The following SLC24A2 variants were observed in gnomAD, a reference collection of about 807,000 sequenced individuals.
The protein encoded by SLC24A2 is sodium/potassium/calcium exchanger 2.
In SLC24A2, 36 loss-of-function variants were observed where a neutral mutation model predicts 62.0. The ratio of observed to expected loss-of-function variants is 0.58; its 90% CI spans 0.44 to 0.77. The LOEUF (loss-of-function observed/expected upper bound fraction) is 0.77. Ranked by LOEUF, SLC24A2 falls within the 30% of genes least tolerant of loss-of-function variation. The pLI is 0.00. For missense variants in SLC24A2, 846 were observed against 817.9 expected, an observed-to-expected ratio of 1.03 and a Z score of -0.42; for synonymous variants, 358 against 294.0, an observed-to-expected ratio of 1.22 and a Z score of -2.23.
At chr9:19,535,159 T>C (rs1833897171) in intron 8 of SLC24A2, among the ~76,000 whole-genome samples, 1 of 152,348 alleles carries the variant, frequency 6.6e-6, no homozygotes, top group African/African-American at 2.4e-5. Flanking sequence ...ATGTCGTCTT[T>C]TGAGAAGTGT....
At chr9:20,157,571 C>G in the SLC24A2 span, among the ~76,000 whole-genome samples, 2 of 151,550 alleles carry the variant, frequency 1.3e-5, no homozygotes, top group Non-Finnish European at 3.0e-5. Flanking sequence ...AGGAAAGGGA[C>G]TTTAAAGTGA....
the SLC24A2 span, among the ~76,000 whole-genome samples, chr9:19,862,686 G>A: frequency 3.3e-5 from 5 of 151,948 alleles, no homozygotes; most frequent in African/African-American, 7.2e-5. Context: ...AAATTAAAAC[G>A]TGGAAGGGAT....
chr9:19,896,106 C>T, the SLC24A2 span: 33 of 606,896 alleles, frequency 5.4e-5, no homozygotes, highest in East Asian at 2.5e-4. Flanking sequence ...ACTCTACTTC[C>T]GCCCTCCTGG....
the SLC24A2 span, among the ~76,000 whole-genome samples, chr9:19,912,189 A>G: frequency 2.0e-4 from 31 of 152,192 alleles, no homozygotes; most frequent in South Asian, 2.1e-3. Flanking sequence ...CTTCCCCTAC[A>G]CAAACACAGA....
chr9:19,978,036 T>C, the SLC24A2 span, among the ~76,000 whole-genome samples: 1 of 152,152 alleles, frequency 6.6e-6, no homozygotes, highest in Non-Finnish European at 1.5e-5. Context: ...CTTGGTAACT[T>C]ACATTTCCTG....
chr9:20,278,535 G>C, the SLC24A2 span, among the ~76,000 whole-genome samples: 1 of 152,140 alleles, frequency 6.6e-6, no homozygotes, highest in Non-Finnish European at 1.5e-5. Flanking sequence ...AGCACAACAA[G>C]AGTCACTTTT....
chr9:20,072,455 T>C, the SLC24A2 span, among the ~76,000 whole-genome samples: 1 of 152,188 alleles, frequency 6.6e-6, no homozygotes, highest in Non-Finnish European at 1.5e-5. Context: ...TAACTCCCTG[T>C]TATGGGAGTT....
chr9:19,558,272 G>C (rs1388440793), intron 7 of SLC24A2, among the ~76,000 whole-genome samples: 1 of 152,188 alleles, frequency 6.6e-6, no homozygotes, highest in Non-Finnish European at 1.5e-5. Flanking sequence ...TTAGCTTACT[G>C]AGTAACATCT....
the SLC24A2 span, among the ~76,000 whole-genome samples, chr9:20,000,590 C>T: frequency 6.6e-6 from 1 of 152,196 alleles, no homozygotes; most frequent in Non-Finnish European, 1.5e-5. Flanking sequence ...GCTGTAGGAG[C>T]TCAGTGAAGA....
At chr9:20,002,239 G>C in the SLC24A2 span, among the ~76,000 whole-genome samples, 1 of 152,078 alleles carries the variant, frequency 6.6e-6, no homozygotes, top group East Asian at 1.9e-4. Context: ...TGTCTACGTA[G>C]GCTGTTGAGC....
At chr9:19,588,455 GA>G (rs1836440447) in intron 5 of SLC24A2, among the ~76,000 whole-genome samples, 1 of 152,120 alleles carries the variant, frequency 6.6e-6, no homozygotes, top group Non-Finnish European at 1.5e-5. Context: ...CACTGCAGTG[GA>G]AATTGGAGAT....
At chr9:19,791,495 A>C (rs1823320057), upstream of SLC24A2, among the ~76,000 whole-genome samples, 1 of 152,268 alleles carries the variant, frequency 6.6e-6, no homozygotes. Context: ...ACTCCTACAC[A>C]GTTCCAAAGC....
chr9:19,762,547 A>G (rs948252957), intron 2 of SLC24A2, among the ~76,000 whole-genome samples: 1 of 152,170 alleles, frequency 6.6e-6, no homozygotes, highest in African/African-American at 2.4e-5. Flanking sequence ...TTTTCCCAAC[A>G]CCATTTATTA....
the SLC24A2 span, among the ~76,000 whole-genome samples, chr9:20,226,132 G>T: frequency 6.6e-6 from 1 of 152,184 alleles, no homozygotes; most frequent in South Asian, 2.1e-4. Flanking sequence ...GCTGTGGGTT[G>T]TTTCTTTTTT....
At chr9:20,257,322 A>C in the SLC24A2 span, among the ~76,000 whole-genome samples, 4 of 152,246 alleles carry the variant, frequency 2.6e-5, no homozygotes, top group Non-Finnish European at 5.9e-5. Context: ...GAAACACTCA[A>C]TCTCTAGAAA....
the SLC24A2 span, among the ~76,000 whole-genome samples, chr9:19,925,720 G>A: frequency 6.6e-6 from 1 of 152,204 alleles, no homozygotes. Flanking sequence ...GTGGAGTCTA[G>A]ACAAGGGATC....
the SLC24A2 span, among the ~76,000 whole-genome samples, chr9:20,305,112 T>C: frequency 1.1e-5 from 1 of 90,638 alleles, no homozygotes; most frequent in South Asian, 2.8e-4. Flanking sequence ...GATAATACCT[T>C]TTTTTTTTTT....
chr9:19,665,872 T>G (rs1045950553), intron 2 of SLC24A2, among the ~76,000 whole-genome samples: 1 of 152,106 alleles, frequency 6.6e-6, no homozygotes, highest in African/African-American at 2.4e-5. Context: ...AGACTCCATG[T>G]GGTCCTGAAC....
At chr9:19,533,531 C>T (rs1833807125) in intron 8 of SLC24A2, among the ~76,000 whole-genome samples, 1 of 152,194 alleles carries the variant, frequency 6.6e-6, no homozygotes, top group Admixed American at 6.5e-5. Flanking sequence ...GGCTTTGTAG[C>T]TTTCATACTT....
Sources: allele counts gnomAD v4.1 joint callset (sites outside exome capture counted in the v4.1 genomes callset), GRCh38; gene constraint gnomAD v4.1.1; transcripts MANE v1.5; gene names NCBI Gene and HGNC (gene_info 2026-07-23, HGNC 2026-07-21).